Variants in CCND3 observed in about 807,000 individuals in gnomAD.
CCND3 encodes cyclin D3, also known as G1/S-specific cyclin-D3.
In CCND3, 9 loss-of-function variants were observed where a neutral mutation model predicts 28.7. The ratio of observed to expected loss-of-function variants is 0.31; its 90% CI spans 0.19 to 0.55. The LOEUF is 0.55. Among genes scored for constraint, CCND3 ranks in the 20% least tolerant of loss-of-function variants. The probability of loss-of-function intolerance (pLI) is 0.93; values close to 1 mark genes in which losing one functional copy is unlikely to be tolerated. For missense variants in CCND3, 315 were observed against 385.8 expected (o/e 0.82, Z 1.54); for synonymous variants, 164 against 163.9 (o/e 1.00, Z 0.00).
At chr6:41,996,366 T>A (rs1381846830) in intron 1 of CCND3, among the ~76,000 whole-genome samples, 1 of 151,702 alleles carries the variant, frequency 6.6e-6, no homozygotes, top group Non-Finnish European at 1.5e-5. Flanking sequence ...GCCAGGCTGG[T>A]CTTGAACTCC....
At chr6:42,012,601 TATAA>T (rs900439537) in intron 1 of CCND3, among the ~76,000 whole-genome samples, 1 of 151,952 alleles carries the variant, frequency 6.6e-6, no homozygotes, top group African/African-American at 2.4e-5. Flanking sequence ...ACTCCTCTCA[TATAA>T]ATAAATAAAT....
At chr6:42,015,111 A>G (rs1763459544) in intron 1 of CCND3, among the ~76,000 whole-genome samples, 1 of 152,206 alleles carries the variant, frequency 6.6e-6, no homozygotes, top group Non-Finnish European at 1.5e-5. Context: ...CATATTCTAG[A>G]TGAAGAAACT....
At chr6:42,049,474 G>A (rs1289242347), upstream of CCND3, among the ~76,000 whole-genome samples, 2 of 152,244 alleles carry the variant, frequency 1.3e-5, no homozygotes, top group Admixed American at 6.5e-5. Flanking sequence ...TACCATAGCT[G>A]GCTAGTGTTA....
intron 1 of CCND3, among the ~76,000 whole-genome samples, chr6:42,017,869 G>T (rs1348095289): frequency 3.9e-5 from 6 of 152,162 alleles, no homozygotes; most frequent in Non-Finnish European, 7.4e-5. Context: ...AACAAAATGT[G>T]GCCGGGTGTG....
intron 1 of CCND3, among the ~76,000 whole-genome samples, chr6:41,977,405 T>G (rs1762214716): frequency 6.6e-6 from 1 of 152,174 alleles, no homozygotes; most frequent in Non-Finnish European, 1.5e-5. Flanking sequence ...CTGGCTCTGT[T>G]GCCCAGACTA....
intron 1 of CCND3, among the ~76,000 whole-genome samples, chr6:41,951,953 G>A (rs886900569): frequency 1.3e-5 from 2 of 151,854 alleles, no homozygotes; most frequent in African/African-American, 2.4e-5. Flanking sequence ...GTAGAGACGC[G>A]GTTTCACCAT....
intron 1 of CCND3, among the ~76,000 whole-genome samples, chr6:42,003,503 C>A: frequency 8.6e-6 from 1 of 116,566 alleles, no homozygotes; most frequent in Non-Finnish European, 1.6e-5. Flanking sequence ...CCAGCCTGGG[C>A]AACCAGAGTG....
Position 41,936,754 on chromosome 6 carries a change from T to G in CCND3, c.575-59A>C. Reference sequence around the variant, plus strand: ...GAAACCTGAAGGATAACGGCCAGCATGGACTTCCGACTCCTTGGAAAGTGC... The same window carrying G: ...GAAACCTGAAGGATAACGGCCAGCAGGGACTTCCGACTCCTTGGAAAGTGC... On this transcript the variant is annotated intron_variant, in intron 3 of 4. Coordinates refer to ENST00000372991, the MANE Select transcript of CCND3 (RefSeq NM_001760.5). This position sits in a 1 kb window ranked among gnomAD's most constrained non-coding sequence, Gnocchi z 4.4. 1.3e-6 allele frequency: 2 copies of G among 1,571,074 alleles called. No individual in the cohort carries two copies. Among genetic ancestry groups the G allele is most frequent in the Non-Finnish European group, 1.7e-6 (2 of 1,151,162 alleles).
At chr6:41,978,397 G>A (rs1385317819) in intron 1 of CCND3, among the ~76,000 whole-genome samples, 4 of 150,902 alleles carry the variant, frequency 2.7e-5, no homozygotes, top group African/African-American at 4.9e-5. Flanking sequence ...TTAGCCAGGC[G>A]TGGTGGCGCA....
intron 1 of CCND3, among the ~76,000 whole-genome samples, chr6:41,980,131 ATTTTTTTT>A (rs61407287): frequency 0.39 from 56,565 of 146,662 alleles, 11,833 homozygotes; most frequent in Non-Finnish European, 0.48. Flanking sequence ...GTTTACTGGA[ATTTTTTTT>A]TTTTTTTTTT....
At chr6:41,985,244 AGAAGC>A (rs1048461118) in intron 1 of CCND3, among the ~76,000 whole-genome samples, 20 of 151,568 alleles carry the variant, frequency 1.3e-4, no homozygotes, top group Middle Eastern at 6.9e-3. Flanking sequence ...GCCAATGTCA[AGAAGC>A]TTTCTCCCTA....
intron 1 of CCND3, among the ~76,000 whole-genome samples, chr6:42,040,744 A>G (rs1764346770): frequency 6.6e-6 from 1 of 151,204 alleles, no homozygotes; most frequent in South Asian, 2.1e-4. Flanking sequence ...CCCAGCTACT[A>G]GGGAGGCTGA....
intron 1 of CCND3, among the ~76,000 whole-genome samples, chr6:42,032,251 A>G (rs558214760): frequency 6.6e-6 from 1 of 151,072 alleles, no homozygotes; most frequent in Admixed American, 6.6e-5. Context: ...ACACCTGACT[A>G]CTCTTTTTTA....
chr6:42,014,444 C>T lies in CCND3; in HGVS notation c.-46+34057G>A, dbSNP rs778646081. Among the ~76,000 whole-genome samples the T allele has an allele frequency of 3.7e-4, 56 of 152,140 alleles. 4 individuals carry two copies. Among genetic ancestry groups the T allele is most frequent in the Non-Finnish European group, 7.3e-5 (5 of 68,042 alleles). On this transcript the variant is annotated intron_variant, in intron 1 of 4. Transcript: ENST00000372988. ...CTCCAGAATGGCAACAATATATTAACTCCCTTAGTGTATAGTCTTTCAATC... is the reference window on the plus strand; with the variant it reads ...CTCCAGAATGGCAACAATATATTAATTCCCTTAGTGTATAGTCTTTCAATC...
intron 1 of CCND3, among the ~76,000 whole-genome samples, chr6:41,959,080 C>T (rs1761623248): frequency 6.6e-6 from 1 of 151,892 alleles, no homozygotes; most frequent in South Asian, 2.1e-4. Context: ...TTTGGGAGGC[C>T]GAGGCTGGTG....
chr6:42,039,665 C>G (rs67289879), intron 1 of CCND3, among the ~76,000 whole-genome samples: 1 of 152,140 alleles, frequency 6.6e-6, no homozygotes. Flanking sequence ...GCACCATTGC[C>G]GCAGTTGGGG....
upstream of CCND3, among the ~76,000 whole-genome samples, chr6:41,943,724 A>G (rs1221957370): frequency 6.6e-6 from 1 of 152,210 alleles, no homozygotes; most frequent in East Asian, 1.9e-4. Flanking sequence ...AGTTAAACCA[A>G]TCTTTTCCAC....
intron 1 of CCND3, among the ~76,000 whole-genome samples, chr6:41,974,520 C>T (rs1168786294): frequency 6.6e-6 from 1 of 152,102 alleles, no homozygotes; most frequent in Non-Finnish European, 1.5e-5. Context: ...ATGGTGCATT[C>T]TGCCTTTGAA....
chr6:41,964,354 CTGTG>C (rs573244405), intron 1 of CCND3, among the ~76,000 whole-genome samples: 98 of 132,262 alleles, frequency 7.4e-4, no homozygotes, highest in Admixed American at 6.7e-3. Context: ...GTGTGTGAGT[CTGTG>C]TGTGTATGTG....
Sources: gnomAD v4.1 joint callset for allele counts (sites outside exome capture counted in the v4.1 genomes callset) on GRCh38, gnomAD v4.1.1 for gene constraint, Gnocchi (gnomAD v3.1) non-coding constraint, MANE v1.5 for transcripts, NCBI Gene and HGNC (gene_info 2026-07-23, HGNC 2026-07-21) for gene names.